The following ZFHX3 variants were observed in gnomAD, a reference collection of about 807,000 sequenced individuals.
The protein encoded by ZFHX3 is zinc finger homeobox 3, also known as zinc finger homeobox protein 3.
Under a neutral mutation model 279.1 loss-of-function variants are expected in ZFHX3, and 42 were observed. The ratio of observed to expected loss-of-function variants is 0.15; its 90% CI spans 0.12 to 0.19. The LOEUF (loss-of-function observed/expected upper bound fraction) is 0.19, where lower values mean the gene tolerates loss of function less well. Among genes scored for constraint, ZFHX3 ranks in the 10% least tolerant of loss-of-function variants. The pLI is 1.00. For synonymous variants in ZFHX3, 2,293 were observed against 1,957.8 expected (o/e 1.17, Z -4.52); for missense variants, 4,981 against 4,754.0 (o/e 1.05, Z -1.40).
At chr16:73,606,177 A>T (rs191853632) in intron 2 of ZFHX3, among the ~76,000 whole-genome samples, 925 of 67,260 alleles carry the variant, frequency 0.014, 2 homozygotes, top group Middle Eastern at 0.051. Context: ...GCTAGGCTCC[A>T]TCTAAAAAAA....
At chr16:73,087,413 G>A (rs1032934845) in intron 8 of ZFHX3, among the ~76,000 whole-genome samples, 6 of 152,160 alleles carry the variant, frequency 3.9e-5, no homozygotes, top group African/African-American at 1.4e-4. Flanking sequence ...GTCTTACAGA[G>A]GCACAAGGGA....
intron 4 of ZFHX3, among the ~76,000 whole-genome samples, chr16:72,846,732 T>C (rs2037490626): frequency 1.3e-5 from 2 of 152,176 alleles, no homozygotes; most frequent in South Asian, 2.1e-4. Flanking sequence ...TAAACATGCA[T>C]GTGCAATATA....
At chr16:73,034,302 T>G (rs1304157992) in intron 1 of ZFHX3, among the ~76,000 whole-genome samples, 2 of 151,856 alleles carry the variant, frequency 1.3e-5, no homozygotes, top group African/African-American at 2.4e-5. Context: ...GAAATCCAAA[T>G]AAACACTAAG....
At chr16:73,228,796 G>A (rs1040185274) in intron 5 of ZFHX3, among the ~76,000 whole-genome samples, 8 of 152,088 alleles carry the variant, frequency 5.3e-5, no homozygotes, top group Non-Finnish European at 1.0e-4. Context: ...CCAGAACCTG[G>A]GATTACGTGG....
chr16:73,336,355 A>G (rs888848607), intron 3 of ZFHX3, among the ~76,000 whole-genome samples: 10 of 151,894 alleles, frequency 6.6e-5, no homozygotes, highest in African/African-American at 2.4e-4. Flanking sequence ...TAAGCATAGC[A>G]CCTGATAGTT....
chr16:73,482,212 G>A (rs2018881779), intron 2 of ZFHX3, among the ~76,000 whole-genome samples: 1 of 152,174 alleles, frequency 6.6e-6, no homozygotes, highest in South Asian at 2.1e-4. Flanking sequence ...CAGTGCCTGT[G>A]TTAAGCTAGG....
chr16:73,188,874 T>C (rs913776972), intron 5 of ZFHX3, among the ~76,000 whole-genome samples: 4 of 151,658 alleles, frequency 2.6e-5, no homozygotes, highest in Non-Finnish European at 2.9e-5. Flanking sequence ...TTCTTTTTTT[T>C]TTTTTTTGAG....
At chr16:73,213,324 T>G (rs2012084690) in intron 5 of ZFHX3, among the ~76,000 whole-genome samples, 1 of 152,232 alleles carries the variant, frequency 6.6e-6, no homozygotes, top group Admixed American at 6.5e-5. Context: ...GATTTTACTT[T>G]GACACCCTGC....
intron 1 of ZFHX3, among the ~76,000 whole-genome samples, chr16:73,042,523 T>C (rs1486342420): frequency 6.6e-6 from 1 of 152,064 alleles, no homozygotes; most frequent in Non-Finnish European, 1.5e-5. Flanking sequence ...AGCCTACACA[T>C]GACCCCTCCA....
intron 2 of ZFHX3, among the ~76,000 whole-genome samples, chr16:73,641,141 G>T (rs1033087332): frequency 6.6e-6 from 1 of 152,172 alleles, no homozygotes; most frequent in Admixed American, 6.5e-5. Context: ...AGACAGTTAA[G>T]TTCTCAAGAC....
intron 3 of ZFHX3, among the ~76,000 whole-genome samples, chr16:72,902,671 T>A (rs4788481): frequency 1.2e-4 from 19 of 152,036 alleles, no homozygotes; most frequent in Non-Finnish European, 2.5e-4. Context: ...CCAATGGGCC[T>A]GAGCGCAAAG....
chr16:73,419,209 C>A lies in ZFHX3; in HGVS notation c.-1291+36794G>T, dbSNP rs115797142. The stretch of plus-strand genomic sequence containing the variant: ...AGAAGTACTGATAATTATTGAGTGA[C>A]TTTTATGGGGCAGATAGTATGCTAA... On this transcript the variant is annotated intron_variant, in intron 3 of 17. Coordinates refer to the ZFHX3 transcript ENST00000641206. 6.7e-3 allele frequency among the ~76,000 whole-genome samples: 1,027 copies of A among 152,242 alleles called. 16 individuals are homozygous for A. The highest frequency in any genetic ancestry group is 0.023 in the African/African-American group (971 of 41,546).
intron 4 of ZFHX3, among the ~76,000 whole-genome samples, chr16:73,310,870 AG>A (rs1597277622): frequency 6.6e-6 from 1 of 151,486 alleles, no homozygotes; most frequent in Middle Eastern, 3.4e-3. Flanking sequence ...GAAAAAAAAA[AG>A]AATCAAAGCT....
chr16:73,179,048 G>A (rs7359443), intron 5 of ZFHX3, among the ~76,000 whole-genome samples: 56,745 of 152,028 alleles, frequency 0.37, 11,850 homozygotes, highest in African/African-American at 0.58. Flanking sequence ...TTTTATTAGT[G>A]TTTTTGGCAG....
intron 1 of ZFHX3, among the ~76,000 whole-genome samples, chr16:73,774,910 ACT>A (rs2054059710): frequency 6.6e-6 from 1 of 151,952 alleles, no homozygotes; most frequent in South Asian, 2.1e-4. Context: ...TGTCCTGAAC[ACT>A]CTACCTTCAA....
chr16:73,262,745 G>T (rs1246748599), intron 4 of ZFHX3, among the ~76,000 whole-genome samples: 1 of 152,144 alleles, frequency 6.6e-6, no homozygotes, highest in Non-Finnish European at 1.5e-5. Context: ...AAATGAAGTT[G>T]TGTGAGAGTC....
intron 5 of ZFHX3, among the ~76,000 whole-genome samples, chr16:73,206,123 G>T (rs1012157689): frequency 6.6e-6 from 1 of 152,124 alleles, no homozygotes. Flanking sequence ...AAAAACTACC[G>T]TCAACTCTTT....
chr16:73,590,987 A>T (rs1367997443), intron 2 of ZFHX3, among the ~76,000 whole-genome samples: 2 of 152,220 alleles, frequency 1.3e-5, no homozygotes, highest in East Asian at 3.8e-4. Flanking sequence ...GGAACAAAGC[A>T]CATTAAATGA....
intron 3 of ZFHX3, among the ~76,000 whole-genome samples, chr16:72,890,631 C>G (rs1171635258): frequency 6.6e-6 from 1 of 152,156 alleles, no homozygotes; most frequent in East Asian, 1.9e-4. Flanking sequence ...GTTGATAATC[C>G]TGATCACATG....
Sources: allele counts gnomAD v4.1 joint callset (sites outside exome capture counted in the v4.1 genomes callset), GRCh38; gene constraint gnomAD v4.1.1; transcripts MANE v1.5; gene names NCBI Gene and HGNC (gene_info 2026-07-23, HGNC 2026-07-21).